The following VEGFC variants were observed in gnomAD, a reference collection of about 807,000 sequenced individuals.
VEGFC encodes vascular endothelial growth factor C.
Under a neutral mutation model 46.1 loss-of-function variants are expected in VEGFC, and 12 were observed. That is an observed-to-expected ratio of 0.26 (90% CI 0.17 to 0.42). The LOEUF is 0.42. Ranked by LOEUF, VEGFC falls within the 10% of genes least tolerant of loss-of-function variation. The pLI is 1.00. For synonymous variants in VEGFC, 232 were observed against 195.5 expected, an observed-to-expected ratio of 1.19 and a Z score of -1.56; for missense variants, 488 against 529.4, an observed-to-expected ratio of 0.92 and a Z score of 0.77.
At position 176,792,486 on chromosome 4, in the gene VEGFC, C is replaced by T. The variant is rs1321711511; in HGVS notation, c.-175G>A. 1.6e-5 allele frequency: 7 copies of T among 442,162 alleles called. No homozygotes were observed. Among genetic ancestry groups the T allele is most frequent in the Non-Finnish European group, 2.7e-5 (7 of 258,702 alleles). 27.4% of individuals were successfully genotyped at this position (442,162 alleles called of 1,614,324 possible). ...CGGGTCCGGGGCTCCGCGTTCCCAA[C>T]TTTGCAGGGCGCCCTCCCAGCCAGT... is the stretch of plus-strand genomic sequence containing the variant. On this transcript the variant is annotated 5_prime_UTR_variant, in exon 1 of 7. Transcript: ENST00000618562. The surrounding 1 kb of genome is among the most constrained non-coding windows in gnomAD (Gnocchi z 6.3).
chr4:176,688,124 CTGTT>C (rs545182151), intron 4 of VEGFC, among the ~76,000 whole-genome samples, 197 bp from the exon 5 acceptor site: 1 of 152,308 alleles, frequency 6.6e-6, no homozygotes, highest in East Asian at 1.9e-4. Flanking sequence ...GAGGTGATCA[CTGTT>C]TGTGGTATGG....
At chr4:176,709,639 C>T (rs927475189) in intron 4 of VEGFC, among the ~76,000 whole-genome samples, 2 of 152,066 alleles carry the variant, frequency 1.3e-5, no homozygotes, top group Admixed American at 6.6e-5. Flanking sequence ...TTCTGGGAAT[C>T]GGACTTGGTG....
intron 1 of VEGFC, among the ~76,000 whole-genome samples, chr4:176,732,018 C>A (rs1434143002): frequency 6.6e-6 from 1 of 151,620 alleles, no homozygotes; most frequent in African/African-American, 2.4e-5. Flanking sequence ...TATATTTATA[C>A]TCTTAGGCTG....
intron 1 of VEGFC, among the ~76,000 whole-genome samples, chr4:176,733,254 A>G (rs1734997607): frequency 6.6e-6 from 1 of 151,974 alleles, no homozygotes; most frequent in Non-Finnish European, 1.5e-5. Context: ...TCAGTCCTGT[A>G]TAGTATCTGT....
intron 1 of VEGFC, among the ~76,000 whole-genome samples, chr4:176,760,131 A>G (rs1735503940): frequency 6.6e-6 from 1 of 152,180 alleles, no homozygotes; most frequent in Non-Finnish European, 1.5e-5. Flanking sequence ...TTTTTAAAGC[A>G]GGCTATGAAA....
intron 4 of VEGFC, among the ~76,000 whole-genome samples, chr4:176,709,738 T>C (rs1734590169): frequency 6.6e-6 from 1 of 152,122 alleles, no homozygotes; most frequent in Admixed American, 6.6e-5. Context: ...GCTCAGTTCT[T>C]TGAGCAACTG....
At chr4:176,717,844 A>C (rs1042301874) in intron 3 of VEGFC, among the ~76,000 whole-genome samples, 2 of 152,144 alleles carry the variant, frequency 1.3e-5, no homozygotes. Flanking sequence ...AAATGGGAAA[A>C]GGTCTTAGCA....
chr4:176,692,135 C>CT (rs1285111612), intron 4 of VEGFC, among the ~76,000 whole-genome samples: 1 of 151,940 alleles, frequency 6.6e-6, no homozygotes, highest in Non-Finnish European at 1.5e-5. Context: ...TGGCTCACGC[C>CT]TGTAATCCCA....
At chr4:176,718,139 G>C (rs1290728989) in intron 3 of VEGFC, among the ~76,000 whole-genome samples, 1 of 152,104 alleles carries the variant, frequency 6.6e-6, no homozygotes, top group Non-Finnish European at 1.5e-5. Flanking sequence ...ATGTTCTTAA[G>C]GCAAATGTTA....
chr4:176,748,850 C>T (rs1275516671), intron 1 of VEGFC, among the ~76,000 whole-genome samples: 1 of 151,594 alleles, frequency 6.6e-6, no homozygotes, highest in Non-Finnish European at 1.5e-5. Context: ...TATACTTTTA[C>T]AAAATTCTTC....
chr4:176,729,044 A>AT (rs1443017636), intron 2 of VEGFC, among the ~76,000 whole-genome samples: 1 of 152,070 alleles, frequency 6.6e-6, no homozygotes, highest in Non-Finnish European at 1.5e-5. Flanking sequence ...CAACATGATC[A>AT]TTTTTTGTGA....
intron 1 of VEGFC, among the ~76,000 whole-genome samples, chr4:176,760,950 G>A (rs1415587431): frequency 6.6e-6 from 1 of 152,154 alleles, no homozygotes; most frequent in Non-Finnish European, 1.5e-5. Flanking sequence ...ACATAGGTAG[G>A]AAAAAGAAGT....
intron 1 of VEGFC, among the ~76,000 whole-genome samples, chr4:176,740,168 T>C (rs185234905): frequency 0.037 from 4,513 of 123,286 alleles, 376 homozygotes; most frequent in African/African-American, 0.14. Flanking sequence ...ATATAGAATA[T>C]ATATAACTAT....
At chr4:176,776,945 T>C (rs1009904165) in intron 1 of VEGFC, among the ~76,000 whole-genome samples, 1 of 152,236 alleles carries the variant, frequency 6.6e-6, no homozygotes, top group Non-Finnish European at 1.5e-5. Context: ...AAGTGTTGTA[T>C]TGTTCTAATA....
intron 1 of VEGFC, among the ~76,000 whole-genome samples, chr4:176,772,330 T>C (rs1215628222): frequency 6.6e-6 from 1 of 152,204 alleles, no homozygotes; most frequent in African/African-American, 2.4e-5. Context: ...TAAGTTCTCA[T>C]GTTTTATAAG....
intron 1 of VEGFC, among the ~76,000 whole-genome samples, chr4:176,770,959 T>C (rs999183759): frequency 7.2e-6 from 1 of 139,076 alleles, no homozygotes; most frequent in African/African-American, 2.7e-5. Context: ...TTTCATTCAA[T>C]TGAAGGTGCA....
chr4:176,695,912 A>G (rs1349243368), intron 4 of VEGFC, among the ~76,000 whole-genome samples: 3 of 151,118 alleles, frequency 2.0e-5, no homozygotes, highest in Non-Finnish European at 3.0e-5. Flanking sequence ...ATGCAGAAAA[A>G]GCCTTTGACA....
At chr4:176,730,035 A>G (rs1427307296) in intron 1 of VEGFC, among the ~76,000 whole-genome samples, 3 of 152,192 alleles carry the variant, frequency 2.0e-5, no homozygotes, top group African/African-American at 7.2e-5. Context: ...GCTCTTTCAA[A>G]TAATTGGTCA....
chr4:176,706,751 T>A (rs1734543271), intron 4 of VEGFC, among the ~76,000 whole-genome samples: 1 of 151,432 alleles, frequency 6.6e-6, no homozygotes, highest in Non-Finnish European at 1.5e-5. Flanking sequence ...TATTGGGGAA[T>A]AATTTGCATA....
Sources: gnomAD v4.1 joint callset for allele counts (sites outside exome capture counted in the v4.1 genomes callset) on GRCh38, gnomAD v4.1.1 for gene constraint, Gnocchi (gnomAD v3.1) non-coding constraint, MANE v1.5 for transcripts, NCBI Gene and HGNC (gene_info 2026-07-23, HGNC 2026-07-21) for gene names.